The following CCNY variants were observed in gnomAD, a reference collection of about 807,000 sequenced individuals.
CCNY encodes cyclin Y.
A neutral mutation model predicts 42.8 loss-of-function variants in CCNY; 19 were observed. The ratio of observed to expected loss-of-function variants is 0.44; its 90% confidence interval spans 0.31 to 0.65. The LOEUF is 0.65. Ranked by LOEUF, CCNY falls within the 30% of genes least tolerant of loss-of-function variation. The probability of loss-of-function intolerance (pLI) is 0.07; values close to 1 mark genes in which losing one functional copy is unlikely to be tolerated. For synonymous variants in CCNY, 165 were observed against 162.7 expected (o/e 1.01, Z -0.11); for missense variants, 370 against 437.3 (o/e 0.85, Z 1.37).
At chr10:35,452,653 T>G (rs1343444513) in intron 1 of CCNY, among the ~76,000 whole-genome samples, 1 of 152,140 alleles carries the variant, frequency 6.6e-6, no homozygotes, top group Admixed American at 6.5e-5. Flanking sequence ...GGTTGGAAAT[T>G]TAATGATAAT....
intron 3 of CCNY, among the ~76,000 whole-genome samples, chr10:35,268,540 CCCCACAA>C (rs2095727960): frequency 6.6e-6 from 1 of 152,158 alleles, no homozygotes; most frequent in East Asian, 1.9e-4. Context: ...GTGCTGGTGG[CCCCACAA>C]GTCTAGGGTC....
At chr10:35,568,427 G>C (rs1018599801) in intron 9 of CCNY, among the ~76,000 whole-genome samples, 7 of 152,248 alleles carry the variant, frequency 4.6e-5, no homozygotes, top group African/African-American at 1.7e-4. Context: ...AGCCCTGGGA[G>C]AGTTGTTGCC....
intron 1 of CCNY, among the ~76,000 whole-genome samples, chr10:35,411,820 T>C (rs1193493873): frequency 6.6e-6 from 1 of 152,234 alleles, no homozygotes; most frequent in Non-Finnish European, 1.5e-5. Flanking sequence ...TTGAAGATTT[T>C]GGCAAAATTT....
At chr10:35,479,760 A>C (rs1244335276) in intron 1 of CCNY, among the ~76,000 whole-genome samples, 1 of 151,708 alleles carries the variant, frequency 6.6e-6, no homozygotes, top group Admixed American at 6.6e-5. Context: ...AAGTATAATA[A>C]TAATAAAAAA....
At chr10:35,313,547 A>G (rs1835714992) in intron 3 of CCNY, among the ~76,000 whole-genome samples, 1 of 152,138 alleles carries the variant, frequency 6.6e-6, no homozygotes, top group Non-Finnish European at 1.5e-5. Flanking sequence ...GAGGCACGGG[A>G]GCCTCCAGGT....
chr10:35,337,335 C>T (rs1047749272), intron 1 of CCNY, 128 bp downstream of exon 1: 2 of 1,009,582 alleles, frequency 2.0e-6, no homozygotes, highest in Non-Finnish European at 2.7e-6. Context: ...GGGGCTTCGC[C>T]CGCGCAGCCT....
intron 3 of CCNY, among the ~76,000 whole-genome samples, chr10:35,309,353 C>T (rs543523698): frequency 1.3e-5 from 2 of 152,316 alleles, no homozygotes; most frequent in South Asian, 4.1e-4. Flanking sequence ...GAATTCCCCA[C>T]CTGCCTCTGG....
At chr10:35,464,329 A>G (rs1391770916) in intron 1 of CCNY, among the ~76,000 whole-genome samples, 1 of 151,476 alleles carries the variant, frequency 6.6e-6, no homozygotes. Context: ...ACTTTTTCCA[A>G]CCCCTTTCCC....
intron 3 of CCNY, among the ~76,000 whole-genome samples, chr10:35,305,690 T>C (rs1835597932): frequency 6.6e-6 from 1 of 152,240 alleles, no homozygotes; most frequent in African/African-American, 2.4e-5. Context: ...TTCTTGTTTC[T>C]GAGTATTGAT....
intron 1 of CCNY, among the ~76,000 whole-genome samples, chr10:35,440,726 T>C (rs1838648205): frequency 1.3e-5 from 2 of 152,322 alleles, no homozygotes; most frequent in South Asian, 2.1e-4. Context: ...GGACGGAGCC[T>C]AGAGCAGTTT....
At chr10:35,484,590 A>C (rs1236930767) in intron 2 of CCNY, among the ~76,000 whole-genome samples, 1 of 152,142 alleles carries the variant, frequency 6.6e-6, no homozygotes, top group East Asian at 1.9e-4. Flanking sequence ...TACAAAAGAA[A>C]CATTTTTTTC....
At chr10:35,476,437 C>G (rs1165289531) in intron 1 of CCNY, among the ~76,000 whole-genome samples, 1 of 152,164 alleles carries the variant, frequency 6.6e-6, no homozygotes, top group Non-Finnish European at 1.5e-5. Context: ...CAAAGTATCT[C>G]TCAGACCACA....
In CCNY at chr10:35,506,404, TTTC is replaced by T. The variant is rs559724786; in HGVS notation, c.264+4878_264+4880del. ...GTTATTTTCTCTCTTCTTTTTGTTT[TTTC>T]TTCTTCTTTTTGCGGAATGTCTAGA... On this transcript the variant is annotated intron_variant, in intron 3 of 9. Transcript: ENST00000374704. Among the ~76,000 whole-genome samples the T allele has an allele frequency of 1.8e-3, 281 of 152,342 alleles. 3 individuals carry two copies. The highest frequency in any genetic ancestry group is 5.0e-3 in the Admixed American group (77 of 15,302).
chr10:35,570,642 G>A lies in CCNY; in HGVS notation c.*1472G>A, dbSNP rs1449123277. 6.6e-6 allele frequency: 1 copy of A among 152,324 alleles called. No individual in the cohort carries two copies. The highest frequency in any genetic ancestry group is 1.9e-4 in the East Asian group (1 of 5,336). 9.4% of individuals were successfully genotyped at this position (152,324 alleles called of 1,614,324 possible). A position where few individuals can be genotyped will look rare whatever the true frequency, so the allele number is the denominator to read the frequency against. On this transcript the variant is annotated 3_prime_UTR_variant, in exon 10 of 10. Transcript: ENST00000374704. ...TGTTTCCCTTTTCAAGTCTCTGGGA[G>A]GCCAGTGGCAGCAGCAGGTCTGTGT...
intron 1 of CCNY, among the ~76,000 whole-genome samples, chr10:35,339,432 T>TAC (rs1055540203): frequency 2.0e-5 from 3 of 152,194 alleles, no homozygotes; most frequent in African/African-American, 7.2e-5. Context: ...TGTATATATA[T>TAC]ACACACTATA....
At chr10:35,455,294 A>C (rs1336724050) in intron 1 of CCNY, 3 of 152,210 alleles carry the variant, frequency 2.0e-5, no homozygotes, top group Non-Finnish European at 4.4e-5. Context: ...ATTTTACCAA[A>C]CTTGGCAGAT....
intron 3 of CCNY, among the ~76,000 whole-genome samples, chr10:35,282,748 GA>G (rs1835312768): frequency 6.7e-6 from 1 of 149,058 alleles, no homozygotes. Flanking sequence ...GAAAAGAAAA[GA>G]AAAAAATAAA....
chr10:35,498,833 G>A (rs138929747), intron 2 of CCNY, among the ~76,000 whole-genome samples: 2 of 152,330 alleles, frequency 1.3e-5, no homozygotes, highest in Admixed American at 6.5e-5. Flanking sequence ...CAGGAAAGTG[G>A]CACCTGATTC....
At chr10:35,561,413 A>AT (rs1363300929) in intron 8 of CCNY, among the ~76,000 whole-genome samples, 1 of 152,214 alleles carries the variant, frequency 6.6e-6, no homozygotes, top group East Asian at 1.9e-4. Context: ...GTTTACATAG[A>AT]TTTTATTTTT....
Sources: allele counts gnomAD v4.1 joint callset (sites outside exome capture counted in the v4.1 genomes callset), GRCh38; gene constraint gnomAD v4.1.1; transcripts MANE v1.5; gene names NCBI Gene and HGNC (gene_info 2026-07-23, HGNC 2026-07-21).